DPYD: variants seen among roughly 807,000 people sequenced by gnomAD.
The protein encoded by DPYD is dihydropyrimidine dehydrogenase, also known as dihydropyrimidine dehydrogenase [NADP(+)].
Under a neutral mutation model 116.2 loss-of-function variants are expected in DPYD, and 109 were observed. The ratio of observed to expected loss-of-function variants is 0.94; its 90% CI spans 0.80 to 1.10. The LOEUF (loss-of-function observed/expected upper bound fraction) is 1.10, where lower values mean the gene tolerates loss of function less well. Among genes scored for constraint, DPYD ranks in the 50% least tolerant of loss-of-function variants. DPYD has a pLI of 0.00. For synonymous variants in DPYD, 440 were observed against 432.0 expected (o/e 1.02, Z -0.23); for missense variants, 1,302 against 1,254.5 (o/e 1.04, Z -0.57).
At chr1:97,511,506 AAAC>A (rs142176754) in intron 13 of DPYD, among the ~76,000 whole-genome samples, 26 of 152,078 alleles carry the variant, frequency 1.7e-4, no homozygotes, top group African/African-American at 5.1e-4. Context: ...TACTTGTGGA[AAAC>A]AACAACAACA....
At chr1:97,810,445 G>A (rs2101384751) in intron 3 of DPYD, among the ~76,000 whole-genome samples, 2 of 152,146 alleles carry the variant, frequency 1.3e-5, no homozygotes, top group African/African-American at 4.8e-5. Flanking sequence ...TAAAGGGAGT[G>A]AATATTTAAA....
chr1:97,249,446 A>G (rs150781617), intron 18 of DPYD, among the ~76,000 whole-genome samples: 79 of 152,292 alleles, frequency 5.2e-4, no homozygotes, highest in Middle Eastern at 3.4e-3. Flanking sequence ...CTCACTTCAT[A>G]TACAGTTTTT....
intron 13 of DPYD, among the ~76,000 whole-genome samples, chr1:97,513,924 T>G (rs1397988085): frequency 6.6e-6 from 1 of 151,974 alleles, no homozygotes; most frequent in Middle Eastern, 3.4e-3. Context: ...TGGCATTACA[T>G]AAGCCCAAGG....
chr1:97,304,425 G>A (rs1281787432), intron 18 of DPYD, among the ~76,000 whole-genome samples: 5 of 151,884 alleles, frequency 3.3e-5, no homozygotes, highest in South Asian at 2.1e-4. Flanking sequence ...GTTCTTCATG[G>A]CTCACAGGCA....
At chr1:97,097,042 C>T (rs1001846897) in intron 21 of DPYD, among the ~76,000 whole-genome samples, 74 of 152,098 alleles carry the variant, frequency 4.9e-4, no homozygotes, top group African/African-American at 1.7e-3. Flanking sequence ...CAAAAAGGCT[C>T]GTGAAGGGCT....
chr1:97,525,770 G>GAGAC (rs1248583073), intron 12 of DPYD, among the ~76,000 whole-genome samples: 35 of 150,028 alleles, frequency 2.3e-4, no homozygotes, highest in Middle Eastern at 3.4e-3. Flanking sequence ...GAGAGAGAGA[G>GAGAC]AGAGAGAGAG....
At chr1:97,720,367 T>C in intron 5 of DPYD, 1 of 985,484 alleles carries the variant, frequency 1.0e-6, no homozygotes, top group Admixed American at 6.2e-5. Context: ...TGAGGAGGAA[T>C]TCAAGTGAAT....
chr1:97,080,333 T>C (rs2101552100), intron 22 of DPYD, among the ~76,000 whole-genome samples: 1 of 152,232 alleles, frequency 6.6e-6, no homozygotes, highest in East Asian at 1.9e-4. Flanking sequence ...TCCTGTCTCA[T>C]ACCAATGTTA....
chr1:97,424,406 G>T (rs1452001909), intron 14 of DPYD, among the ~76,000 whole-genome samples: 1 of 151,824 alleles, frequency 6.6e-6, no homozygotes, highest in African/African-American at 2.4e-5. Flanking sequence ...ATACTACTGG[G>T]AAAGGAAACA....
At chr1:97,667,317 T>C (rs984574222) in intron 8 of DPYD, among the ~76,000 whole-genome samples, 2 of 152,154 alleles carry the variant, frequency 1.3e-5, no homozygotes, top group Non-Finnish European at 2.9e-5. Context: ...TATAATCTAA[T>C]TGAGGCCCTC....
chr1:97,825,890 G>A (rs1219754728), intron 3 of DPYD, among the ~76,000 whole-genome samples: 1 of 152,136 alleles, frequency 6.6e-6, no homozygotes, highest in Non-Finnish European at 1.5e-5. Context: ...GAAATACTCA[G>A]TCTCTGGGTC....
intron 14 of DPYD, among the ~76,000 whole-genome samples, chr1:97,428,072 T>G: frequency 6.6e-6 from 1 of 152,270 alleles, no homozygotes; most frequent in South Asian, 2.1e-4. Context: ...CAATAAAAGT[T>G]ATACATTACG....
chr1:97,711,652 T>C (rs377232664), intron 5 of DPYD, among the ~76,000 whole-genome samples: 36 of 152,124 alleles, frequency 2.4e-4, no homozygotes, highest in African/African-American at 7.9e-4. Context: ...ATTTCTTAAA[T>C]CAATCCAATA....
chr1:97,675,718 T>C (rs1660106473), intron 8 of DPYD, among the ~76,000 whole-genome samples: 1 of 152,100 alleles, frequency 6.6e-6, no homozygotes, highest in Non-Finnish European at 1.5e-5. Context: ...TTAATAACTA[T>C]GGCATTTCCA....
intron 16 of DPYD, among the ~76,000 whole-genome samples, chr1:97,329,121 G>A (rs183623877): frequency 2.0e-5 from 3 of 152,090 alleles, no homozygotes; most frequent in Admixed American, 1.3e-4. Flanking sequence ...TAAACAAGAA[G>A]GAAAAGAAGA....
intron 13 of DPYD, among the ~76,000 whole-genome samples, chr1:97,461,244 T>G (rs2101823766): frequency 6.6e-6 from 1 of 152,284 alleles, no homozygotes; most frequent in Non-Finnish European, 1.5e-5. Context: ...TATTTATGCT[T>G]CCACAATTTG....
chr1:97,374,076 T>G (rs1282664743), intron 15 of DPYD, among the ~76,000 whole-genome samples: 1 of 152,216 alleles, frequency 6.6e-6, no homozygotes, highest in Non-Finnish European at 1.5e-5. Flanking sequence ...TCTATTTTTA[T>G]GGACACAAAT....
At chr1:97,808,720 T>C (rs1413374824) in intron 3 of DPYD, among the ~76,000 whole-genome samples, 5 of 151,628 alleles carry the variant, frequency 3.3e-5, no homozygotes, top group East Asian at 3.9e-4. Context: ...AGGTCTTAAA[T>C]TGGGGTTTAT....
chr1:97,221,778 T>C (rs1660797750), intron 19 of DPYD, among the ~76,000 whole-genome samples: 1 of 152,092 alleles, frequency 6.6e-6, no homozygotes. Flanking sequence ...AATCAATTTA[T>C]GAACTAACAG....
Sources: allele counts gnomAD v4.1 joint callset (sites outside exome capture counted in the v4.1 genomes callset), GRCh38; gene constraint gnomAD v4.1.1; transcripts MANE v1.5; gene names NCBI Gene and HGNC (gene_info 2026-07-23, HGNC 2026-07-21).